Variants in CHCHD6 observed in about 807,000 individuals in gnomAD.
CHCHD6 encodes MICOS complex subunit MIC25.
A neutral mutation model predicts 32.3 loss-of-function variants in CHCHD6; 28 were observed. That is an observed-to-expected ratio of 0.87 (90% CI 0.64 to 1.19). CHCHD6 has a LOEUF of 1.19. Among genes scored for constraint, CHCHD6 ranks in the 50% most tolerant of loss-of-function variants. The probability of loss-of-function intolerance (pLI) is 0.00; values close to 1 mark genes in which losing one functional copy is unlikely to be tolerated. For synonymous variants in CHCHD6, 122 were observed against 117.5 expected (o/e 1.04, Z -0.25); for missense variants, 333 against 307.0 (o/e 1.08, Z -0.63).
intron 5 of CHCHD6, among the ~76,000 whole-genome samples, chr3:126,871,111 G>A (rs1035760703): frequency 1.3e-5 from 2 of 152,078 alleles, no homozygotes; most frequent in Non-Finnish European, 2.9e-5. Flanking sequence ...CCTCATATCA[G>A]CGTTTGATTC....
chr3:126,911,186 C>G (rs1271609763), intron 5 of CHCHD6, among the ~76,000 whole-genome samples: 1 of 152,174 alleles, frequency 6.6e-6, no homozygotes, highest in Non-Finnish European at 1.5e-5. Context: ...CTGAGTACCC[C>G]ATTGTAATTA....
chr3:126,908,438 ACT>A (rs2078036732), intron 5 of CHCHD6, among the ~76,000 whole-genome samples: 1 of 152,116 alleles, frequency 6.6e-6, no homozygotes, highest in African/African-American at 2.4e-5. Flanking sequence ...TTCTTGGTTG[ACT>A]CTATAAATAA....
intron 1 of CHCHD6, among the ~76,000 whole-genome samples, chr3:126,716,009 T>C (rs899386350): frequency 6.6e-6 from 1 of 152,220 alleles, no homozygotes; most frequent in Non-Finnish European, 1.5e-5. Context: ...GTTGTCACAC[T>C]TCTCAGTGCT....
intron 5 of CHCHD6, among the ~76,000 whole-genome samples, chr3:126,888,963 G>T (rs893196382): frequency 5.3e-5 from 8 of 152,168 alleles, no homozygotes; most frequent in Admixed American, 5.2e-4. Context: ...CAGGCCTTCC[G>T]GTTGTCTCTA....
intron 6 of CHCHD6, among the ~76,000 whole-genome samples, chr3:126,954,494 C>T (rs2078757274): frequency 6.6e-6 from 1 of 152,222 alleles, no homozygotes; most frequent in African/African-American, 2.4e-5. Context: ...ATGACTCAGG[C>T]TGGGGCCACT....
intron 4 of CHCHD6, among the ~76,000 whole-genome samples, chr3:126,750,582 T>C (rs1936684687): frequency 6.6e-6 from 1 of 152,200 alleles, no homozygotes; most frequent in African/African-American, 2.4e-5. Context: ...TGCTAGAGGG[T>C]CTGCTAGGGG....
At chr3:126,791,188 C>G (rs1163719814) in intron 4 of CHCHD6, among the ~76,000 whole-genome samples, 1 of 152,230 alleles carries the variant, frequency 6.6e-6, no homozygotes, top group East Asian at 1.9e-4. Flanking sequence ...CTGGAAGTTT[C>G]ATCTCAGAGG....
chr3:126,768,359 G>T (rs959007238), intron 4 of CHCHD6, among the ~76,000 whole-genome samples: 3 of 152,172 alleles, frequency 2.0e-5, no homozygotes, highest in Non-Finnish European at 4.4e-5. Flanking sequence ...GGTCTCTGCA[G>T]AAGCAGAAGC....
In CHCHD6 at chr3:126,758,189, G is replaced by T. The variant is rs189910502; in HGVS notation, c.411+24967G>T. Reference sequence around the variant, plus strand: ...AAGGCCCCAGCTAAATAGAGAAGATGCTTCTGGTGTATTGACAATCTTTCT... The same window carrying T: ...AAGGCCCCAGCTAAATAGAGAAGATTCTTCTGGTGTATTGACAATCTTTCT... On this transcript the variant is annotated intron_variant, in intron 4 of 7. Coordinates refer to ENST00000290913, the MANE Select transcript of CHCHD6 (RefSeq NM_032343.3). Among the ~76,000 whole-genome samples, 7 of 152,340 alleles carry T rather than the reference G, an allele frequency of 4.6e-5. No individual in the cohort carries two copies. In the East Asian group the frequency reaches 1.4e-3, roughly 29 times the overall value.
At chr3:126,767,825 C>T (rs994306009) in intron 4 of CHCHD6, among the ~76,000 whole-genome samples, 1 of 152,122 alleles carries the variant, frequency 6.6e-6, no homozygotes, top group African/African-American at 2.4e-5. Context: ...TTAGCTCCCA[C>T]TTGTAAGTGG....
chr3:126,755,267 G>A (rs1020565863), intron 4 of CHCHD6, among the ~76,000 whole-genome samples: 3 of 152,170 alleles, frequency 2.0e-5, no homozygotes, highest in Non-Finnish European at 4.4e-5. Flanking sequence ...AGCTGGGAAT[G>A]GGTTTTTGAG....
chr3:126,831,194 T>C (rs1388685626), intron 4 of CHCHD6, among the ~76,000 whole-genome samples: 1 of 152,114 alleles, frequency 6.6e-6, no homozygotes, highest in Non-Finnish European at 1.5e-5. Flanking sequence ...TGGCTAATTT[T>C]TTTTGTATTT....
intron 5 of CHCHD6, among the ~76,000 whole-genome samples, chr3:126,897,284 ATGGACAAGGT>A (rs996191254): frequency 1.5e-4 from 23 of 152,290 alleles, no homozygotes; most frequent in Admixed American, 1.4e-3. Context: ...TACTATGACC[ATGGACAAGGT>A]TCTCTTCACA....
chr3:126,860,168 A>G (rs1487421075), intron 5 of CHCHD6, among the ~76,000 whole-genome samples: 1 of 152,098 alleles, frequency 6.6e-6, no homozygotes, highest in East Asian at 1.9e-4. Context: ...AGAGGCCTAT[A>G]GAGAGAAGCT....
intron 4 of CHCHD6, among the ~76,000 whole-genome samples, chr3:126,751,053 C>T (rs1398690388): frequency 2.0e-5 from 3 of 152,072 alleles, no homozygotes; most frequent in Non-Finnish European, 4.4e-5. Context: ...TTCTTGCTCT[C>T]TGGCTTTCCC....
At chr3:126,755,485 ACT>A (rs1205096897) in intron 4 of CHCHD6, among the ~76,000 whole-genome samples, 1 of 152,130 alleles carries the variant, frequency 6.6e-6, no homozygotes, top group Non-Finnish European at 1.5e-5. Context: ...TGTCTTCCAC[ACT>A]GTTTCTTGAA....
chr3:126,923,229 C>T (rs1411834294), intron 6 of CHCHD6, among the ~76,000 whole-genome samples: 7 of 152,234 alleles, frequency 4.6e-5, no homozygotes, highest in Non-Finnish European at 1.0e-4. Flanking sequence ...TCCCTGATTT[C>T]AGAACACAGA....
intron 5 of CHCHD6, among the ~76,000 whole-genome samples, chr3:126,881,284 T>C (rs2077605681): frequency 6.6e-6 from 1 of 152,224 alleles, no homozygotes; most frequent in Non-Finnish European, 1.5e-5. Flanking sequence ...TGAACTGCTC[T>C]GCCCCTCCTC....
At chr3:126,805,372 T>A (rs980435670) in intron 4 of CHCHD6, among the ~76,000 whole-genome samples, 1 of 152,084 alleles carries the variant, frequency 6.6e-6, no homozygotes, top group Non-Finnish European at 1.5e-5. Context: ...ACAAAATCAA[T>A]GTGCAAAAGT....
Sources: gnomAD v4.1 joint callset for allele counts (sites outside exome capture counted in the v4.1 genomes callset) on GRCh38, gnomAD v4.1.1 for gene constraint, MANE v1.5 for transcripts, NCBI Gene and HGNC (gene_info 2026-07-23, HGNC 2026-07-21) for gene names.